The following TRPS1 variants were observed in gnomAD, a reference collection of about 807,000 sequenced individuals.
The protein encoded by TRPS1 is transcriptional repressor GATA binding 1.
In TRPS1, 6 loss-of-function variants were observed where a neutral mutation model predicts 101.2. The ratio of observed to expected loss-of-function variants is 0.06; its 90% CI spans 0.03 to 0.12. The LOEUF is 0.12. TRPS1 is among the 10% of genes least tolerant of loss of function. The pLI, the probability that TRPS1 is intolerant of heterozygous loss-of-function variation, is 1.00. For synonymous variants in TRPS1, 578 were observed against 589.8 expected (o/e 0.98, Z 0.29); for missense variants, 1,363 against 1,567.0 (o/e 0.87, Z 2.20).
chr8:115,474,929 A>T (rs927683225), intron 5 of TRPS1, among the ~76,000 whole-genome samples: 1 of 152,022 alleles, frequency 6.6e-6, no homozygotes, highest in Non-Finnish European at 1.5e-5. Context: ...AAAAGAGAAA[A>T]AAATTATGGG....
chr8:115,663,777 A>G (rs1811863249), intron 1 of TRPS1, among the ~76,000 whole-genome samples: 1 of 151,630 alleles, frequency 6.6e-6, no homozygotes. Flanking sequence ...CTACGATAAT[A>G]GCTGCTATAT....
intron 5 of TRPS1, among the ~76,000 whole-genome samples, chr8:115,533,293 C>A (rs1459684276): frequency 2.0e-5 from 3 of 152,066 alleles, no homozygotes; most frequent in Non-Finnish European, 4.4e-5. Context: ...GAATCAAGGT[C>A]AGTAGGAAAA....
In TRPS1 at chr8:115,603,859, C is replaced by A; in HGVS notation, c.2096+14G>T. 1 of 1,613,742 alleles carries A rather than the reference C, an allele frequency of 6.2e-7. No individual in the cohort carries two copies. Among genetic ancestry groups the A allele is most frequent in the Non-Finnish European group, 8.5e-7 (1 of 1,179,842 alleles). On this transcript the variant is annotated intron_variant, in intron 4 of 6. Transcript: ENST00000395715. The stretch of plus-strand genomic sequence containing the variant: ...ATTTGTATATTCCTCCCGACCCCAC[C>A]CCCCATGCCTCACCTGTAGTGTCGG...
chr8:115,447,316 A>T (rs192228171), intron 5 of TRPS1, among the ~76,000 whole-genome samples: 1 of 152,314 alleles, frequency 6.6e-6, no homozygotes, highest in Admixed American at 6.5e-5. Context: ...ATGTATTTAA[A>T]AGTAATAAAA....
chr8:115,615,374 T>C (rs1228543568), intron 3 of TRPS1, among the ~76,000 whole-genome samples: 1 of 152,174 alleles, frequency 6.6e-6, no homozygotes, highest in Non-Finnish European at 1.5e-5. Context: ...AAACACCCAA[T>C]GCACAGCGCA....
In TRPS1 at chr8:115,619,270, T is replaced by G; in HGVS notation, c.828A>C (p.Lys276Asn). 6.2e-7 allele frequency: 1 copy of G among 1,613,790 alleles called. No homozygotes were observed. Among genetic ancestry groups the G allele is most frequent in the South Asian group, 1.1e-5 (1 of 91,084 alleles). ...GCACCATGTTATGAAGGGCCAAGAT[T>G]TTGCTGTCCAGCTCAGCATCTTGCC... The part of the protein sequence containing the change: ...RTRQDAELDS[K>N]ILALHNMVQF... Residue 276 changes from lysine to asparagine, a missense_variant, in exon 3 of 7, where the codon AAA (lysine) becomes AAC (asparagine). Lys to Asn is a moderately conservative substitution (Grantham distance 94). Coordinates refer to ENST00000395715, the MANE Select transcript of TRPS1 (RefSeq NM_014112.5).
At chr8:115,450,442 A>G (rs1456270554) in intron 5 of TRPS1, among the ~76,000 whole-genome samples, 2 of 152,178 alleles carry the variant, frequency 1.3e-5, no homozygotes, top group African/African-American at 4.8e-5. Context: ...ATTTCCAAAA[A>G]TTAGATAATA....
chr8:115,479,115 C>T (rs1410572479), intron 5 of TRPS1, among the ~76,000 whole-genome samples: 2 of 151,870 alleles, frequency 1.3e-5, no homozygotes, highest in Non-Finnish European at 2.9e-5. Context: ...TTTATGTTTT[C>T]CAGTTACCTT....
intron 1 of TRPS1, among the ~76,000 whole-genome samples, chr8:115,635,363 T>C (rs1168756339): frequency 6.6e-6 from 1 of 152,182 alleles, no homozygotes; most frequent in Non-Finnish European, 1.5e-5. Context: ...AATCCTATTT[T>C]TGGGCAAATA....
intron 1 of TRPS1, among the ~76,000 whole-genome samples, chr8:115,637,570 G>T (rs1307417174): frequency 6.6e-6 from 1 of 152,106 alleles, no homozygotes; most frequent in Non-Finnish European, 1.5e-5. Context: ...GAATTTATGT[G>T]CTATGATCAT....
intron 5 of TRPS1, among the ~76,000 whole-genome samples, chr8:115,574,796 C>T (rs181344062): frequency 7.4e-4 from 113 of 152,010 alleles, no homozygotes; most frequent in South Asian, 1.2e-3. Flanking sequence ...CTCTGAATGT[C>T]CAAGTGACTG....
intron 1 of TRPS1, among the ~76,000 whole-genome samples, chr8:115,627,022 A>C (rs1330723799): frequency 1.3e-5 from 2 of 151,860 alleles, no homozygotes; most frequent in East Asian, 3.9e-4. Context: ...TTTTATAAGA[A>C]AATTACAAAA....
intron 2 of TRPS1, among the ~76,000 whole-genome samples, chr8:115,621,091 T>C (rs1021365691): frequency 7.2e-5 from 11 of 152,196 alleles, no homozygotes; most frequent in Admixed American, 2.6e-4. Context: ...AACAAATTCT[T>C]CTGCTGGAGT....
intron 5 of TRPS1, among the ~76,000 whole-genome samples, chr8:115,574,062 C>G (rs1817265206): frequency 6.6e-6 from 1 of 152,140 alleles, no homozygotes; most frequent in Non-Finnish European, 1.5e-5. Flanking sequence ...CCATACCTGT[C>G]TTATCACCTA....
Position 115,619,496 on chromosome 8 carries a change from T to C in TRPS1, c.602A>G (p.Gln201Arg). The C allele has an allele frequency of 6.2e-7, 1 of 1,614,200 alleles. No individual in the cohort carries two copies. The highest frequency in any genetic ancestry group is 2.2e-5 in the East Asian group (1 of 44,874). ...SPVSVASKNP[Q>R]VPSDGGVRLN... The stretch of plus-strand genomic sequence containing the variant: ...TCTTACACCCCCATCTGAAGGCACT[T>C]GTGGGTTTTTTGAGGCCACTGAAAC... The change falls in exon 3 of 7, where the codon CAA becomes CGA. Residue 201 changes from glutamine to arginine, a missense_variant. Physicochemically the swap from Gln to Arg is conservative, Grantham distance 43 (BLOSUM62 1). Coordinates refer to ENST00000395715, the MANE Select transcript of TRPS1 (RefSeq NM_014112.5).
At chr8:115,519,172 G>C (rs1015074198) in intron 5 of TRPS1, among the ~76,000 whole-genome samples, 3 of 150,926 alleles carry the variant, frequency 2.0e-5, no homozygotes, top group East Asian at 3.9e-4. Context: ...CAGTAAATTG[G>C]ACAAGAAAAA....
intron 5 of TRPS1, among the ~76,000 whole-genome samples, chr8:115,423,778 C>T (rs868027157): frequency 1.3e-4 from 20 of 152,168 alleles, no homozygotes; most frequent in African/African-American, 4.6e-4. Flanking sequence ...AATAGCTGAG[C>T]CTTGGCATAC....
In TRPS1 at chr8:115,445,214, T is replaced by G. The variant is rs1035938963; in HGVS notation, c.2701-26762A>C. Among the ~76,000 whole-genome samples, 6 of 152,144 alleles carry G rather than the reference T, an allele frequency of 3.9e-5. No individual in the cohort carries two copies. In the South Asian group the frequency reaches 1.2e-3, roughly 32 times the overall value. On this transcript the variant is annotated intron_variant, in intron 5 of 6. Coordinates refer to ENST00000395715, the MANE Select transcript of TRPS1 (RefSeq NM_014112.5). ...CAACTGTCAGAAACCTGTGTAAACTTCACAGCTCAGCTCAAGACTCCACGT... is the reference window on the plus strand; with the variant it reads ...CAACTGTCAGAAACCTGTGTAAACTGCACAGCTCAGCTCAAGACTCCACGT...
At chr8:115,540,031 C>T (rs1316409568) in intron 5 of TRPS1, among the ~76,000 whole-genome samples, 2 of 152,226 alleles carry the variant, frequency 1.3e-5, no homozygotes, top group Non-Finnish European at 2.9e-5. Flanking sequence ...AACTTTCAAA[C>T]TTCACACACC....
Sources: gnomAD v4.1 joint callset for allele counts (sites outside exome capture counted in the v4.1 genomes callset) on GRCh38, gnomAD v4.1.1 for gene constraint, MANE v1.5 for transcripts, NCBI Gene and HGNC (gene_info 2026-07-23, HGNC 2026-07-21) for gene names.